AGMO: variants seen among roughly 807,000 people sequenced by gnomAD.
The protein encoded by AGMO is alkylglycerol monooxygenase.
A neutral mutation model predicts 60.2 loss-of-function variants in AGMO; 75 were observed. That is an observed-to-expected ratio of 1.25 (90% CI 1.03 to 1.51). AGMO has a LOEUF of 1.51. Ranked by LOEUF, AGMO falls within the 40% of genes most tolerant of loss-of-function variation. The pLI is 0.00. For synonymous variants in AGMO, 261 were observed against 177.1 expected (o/e 1.47, Z -3.76); for missense variants, 763 against 525.5 (o/e 1.45, Z -4.42).
intron 12 of AGMO, among the ~76,000 whole-genome samples, chr7:15,231,074 C>G (rs1347768004): frequency 6.6e-6 from 1 of 152,088 alleles, no homozygotes; most frequent in African/African-American, 2.4e-5. Flanking sequence ...GATAGTGAAC[C>G]AAGTTCAAGT....
intron 12 of AGMO, among the ~76,000 whole-genome samples, chr7:15,226,997 A>AT (rs1314427908): frequency 6.6e-6 from 1 of 152,060 alleles, no homozygotes. Context: ...ATGTTGCGTT[A>AT]TTTCCTGAGT....
At chr7:15,141,949 C>A in the AGMO span, among the ~76,000 whole-genome samples, 1 of 152,182 alleles carries the variant, frequency 6.6e-6, no homozygotes, top group Non-Finnish European at 1.5e-5. Context: ...CTTCAGCCAG[C>A]ATTTCTCTTC....
At chr7:15,200,112 ATTAT>A (rs932405887), downstream of AGMO, among the ~76,000 whole-genome samples, 34 of 152,106 alleles carry the variant, frequency 2.2e-4, no homozygotes, top group South Asian at 2.5e-3. Flanking sequence ...TGTGTCTTTG[ATTAT>A]TTAAATTATT....
chr7:15,462,350 T>A (rs1782164824), intron 3 of AGMO, among the ~76,000 whole-genome samples: 1 of 152,162 alleles, frequency 6.6e-6, no homozygotes, highest in African/African-American at 2.4e-5. Flanking sequence ...CTAATAAAAG[T>A]TATTTATTGT....
chr7:15,422,467 C>A (rs1780952605), intron 4 of AGMO, among the ~76,000 whole-genome samples: 2 of 151,750 alleles, frequency 1.3e-5, no homozygotes, highest in African/African-American at 4.8e-5. Flanking sequence ...TTCTATAAAA[C>A]TAGAGGTAAG....
intron 12 of AGMO, among the ~76,000 whole-genome samples, chr7:15,281,286 C>T (rs1167200926): frequency 6.6e-6 from 1 of 152,130 alleles, no homozygotes; most frequent in East Asian, 1.9e-4. Flanking sequence ...ACTTCTTTCT[C>T]CCCTTGTCCA....
intron 3 of AGMO, among the ~76,000 whole-genome samples, chr7:15,521,318 A>G (rs940211060): frequency 6.6e-6 from 1 of 152,188 alleles, no homozygotes; most frequent in Non-Finnish European, 1.5e-5. Context: ...AGCAACAGAA[A>G]AAGAAGGAAT....
chr7:15,249,036 C>A (rs1583327245), intron 12 of AGMO, among the ~76,000 whole-genome samples: 1 of 151,956 alleles, frequency 6.6e-6, no homozygotes, highest in African/African-American at 2.4e-5. Flanking sequence ...TTAAAGACAC[C>A]AAAGAACCTA....
chr7:15,360,663 G>C (rs10228003), intron 12 of AGMO, among the ~76,000 whole-genome samples: 4,518 of 152,034 alleles, frequency 0.03, 217 homozygotes, highest in African/African-American at 0.1. Flanking sequence ...TGGATGAGGT[G>C]TAAGGGGAGG....
Position 15,289,607 on chromosome 7 carries a change from T to C in AGMO, c.1263+75907A>G, listed in dbSNP as rs151055615. On this transcript the variant is annotated intron_variant, in intron 12 of 12. Coordinates refer to ENST00000342526, the MANE Select transcript of AGMO (RefSeq NM_001004320.2). Reference sequence around the variant, plus strand: ...ATAGGTTCTAATAAGTTTATAATATTTTTTAATAATAGATATTATAAGTTT... The same window carrying C: ...ATAGGTTCTAATAAGTTTATAATATCTTTTAATAATAGATATTATAAGTTT... Among the ~76,000 whole-genome samples, 48 of 152,128 alleles carry C rather than the reference T, an allele frequency of 3.2e-4. No individual in the cohort carries two copies. In the East Asian group the frequency reaches 9.3e-3, roughly 29 times the overall value.
At chr7:15,177,941 A>C in the AGMO span, among the ~76,000 whole-genome samples, 15 of 152,122 alleles carry the variant, frequency 9.9e-5, no homozygotes, top group Non-Finnish European at 1.3e-4. Flanking sequence ...AATGTTTGGG[A>C]CACAAATTAA....
intron 10 of AGMO, among the ~76,000 whole-genome samples, chr7:15,369,832 T>C (rs539094646): frequency 2.0e-5 from 3 of 152,300 alleles, no homozygotes; most frequent in African/African-American, 7.2e-5. Context: ...TTATATTTGT[T>C]TTAGTATTAA....
rs1782950941 is a variant in AGMO, at chr7:15,365,731, T to C, written c.1158-112A>G. On this transcript the variant is annotated intron_variant, in intron 11 of 12. Transcript: ENST00000342526. ...TCAAGAAATACCTAGTATTTTAATA[T>C]ATTTGAAAAGCATGTCCCCTGAAGC... is the stretch of plus-strand genomic sequence containing the variant. 3 of 732,954 alleles carry C rather than the reference T, an allele frequency of 4.1e-6. No individual in the cohort carries two copies. The East Asian group carries it at 8.4e-5, about 21-fold the overall frequency. The allele number at this position is 732,954 out of a possible 1,614,324, so 45.4% of individuals were successfully genotyped here. A position where few individuals can be genotyped will look rare whatever the true frequency, so the allele number is the denominator to read the frequency against.
chr7:15,488,185 T>A lies in AGMO; in HGVS notation c.409+56587A>T, dbSNP rs148444519. 2.0e-5 allele frequency among the ~76,000 whole-genome samples: 3 copies of A among 152,338 alleles called. No homozygotes were observed. The East Asian group carries it at 5.8e-4, about 29-fold the overall frequency. ...AGTTATTCAACCTGAGCTTTTCAGC[T>A]GAGCAGAAGGTAGAAAGCAGTTTCT... is the stretch of plus-strand genomic sequence containing the variant. On this transcript the variant is annotated intron_variant, in intron 3 of 12. Coordinates refer to ENST00000342526, the MANE Select transcript of AGMO (RefSeq NM_001004320.2).
At chr7:15,456,645 A>G (rs1342182198) in intron 3 of AGMO, among the ~76,000 whole-genome samples, 1 of 152,158 alleles carries the variant, frequency 6.6e-6, no homozygotes, top group African/African-American at 2.4e-5. Flanking sequence ...TCTGGGGATC[A>G]CTACTTCTTC....
chr7:15,499,932 C>CACATATAT (rs146144087), intron 3 of AGMO, among the ~76,000 whole-genome samples: 36 of 139,000 alleles, frequency 2.6e-4, no homozygotes, highest in Non-Finnish European at 3.2e-4. Flanking sequence ...CACACACACA[C>CACATATAT]ATATATATAT....
At chr7:15,553,869 A>G (rs1032203278) in intron 2 of AGMO, among the ~76,000 whole-genome samples, 6 of 152,122 alleles carry the variant, frequency 3.9e-5, no homozygotes, top group African/African-American at 1.4e-4. Context: ...AATATGCCTA[A>G]CATACTACAG....
intron 12 of AGMO, among the ~76,000 whole-genome samples, chr7:15,204,310 T>C (rs1781385194): frequency 6.6e-6 from 1 of 152,198 alleles, no homozygotes; most frequent in Admixed American, 6.6e-5. Context: ...TTGATTTTTG[T>C]ATTACGCCAT....
chr7:15,269,521 G>A (rs1783531498), intron 12 of AGMO, among the ~76,000 whole-genome samples: 1 of 152,052 alleles, frequency 6.6e-6, no homozygotes, highest in Non-Finnish European at 1.5e-5. Context: ...GTGCATGAAA[G>A]GGAGATTATC....
Sources: allele counts gnomAD v4.1 joint callset (sites outside exome capture counted in the v4.1 genomes callset), GRCh38; gene constraint gnomAD v4.1.1; transcripts MANE v1.5; gene names NCBI Gene and HGNC (gene_info 2026-07-23, HGNC 2026-07-21).